S100A7: variants seen among roughly 807,000 people sequenced by gnomAD.
The protein encoded by S100A7 is protein S100-A7.
Under a neutral mutation model 3.8 loss-of-function variants are expected in S100A7, and 2 were observed. The ratio of observed to expected loss-of-function variants is 0.53; its 90% CI spans 0.22 to 1.67. The LOEUF is 1.67. Among genes scored for constraint, S100A7 ranks in the 40% most tolerant of loss-of-function variants. The probability of loss-of-function intolerance (pLI) is 0.20; values close to 1 mark genes in which losing one functional copy is unlikely to be tolerated. For synonymous variants in S100A7, 55 were observed against 45.9 expected (o/e 1.20, Z -0.80); for missense variants, 130 against 126.3 (o/e 1.03, Z -0.14).
intron 1 of S100A7, chr1:153,459,959 A>G (rs1270036318): frequency 6.6e-6 from 1 of 152,356 alleles, no homozygotes; most frequent in East Asian, 1.9e-4. Context: ...TGGGTGTCTG[A>G]CAATAAACCC....
chr1:153,459,050 T>G lies in S100A7; in HGVS notation c.-17-20A>C. On this transcript the variant is annotated intron_variant, in intron 1 of 2. Transcript: ENST00000368723. Reference sequence around the variant, plus strand: ...AAAAGCCTTCAGGAAATAAAGACAATCATTTTTTTCCCTTCATTTAAGTTA... The same window carrying G: ...AAAAGCCTTCAGGAAATAAAGACAAGCATTTTTTTCCCTTCATTTAAGTTA... The G allele has an allele frequency of 6.2e-7, 1 of 1,606,878 alleles. No homozygotes were observed.
intron 1 of S100A7, among the ~76,000 whole-genome samples, 173 bp from the exon 2 acceptor site, chr1:153,459,203 A>G (rs1292967664): frequency 6.6e-6 from 1 of 152,188 alleles, no homozygotes; most frequent in African/African-American, 2.4e-5. Context: ...AGAGGGTAGG[A>G]CCAAGTCTGA....
At chr1:153,460,338 G>T (rs1344044143) in intron 1 of S100A7, among the ~76,000 whole-genome samples, 4 of 152,234 alleles carry the variant, frequency 2.6e-5, no homozygotes, top group Non-Finnish European at 5.9e-5. Context: ...GACAGGGAGG[G>T]TCCTGTGCTC....
chr1:153,460,480 T>C (rs995177261), intron 1 of S100A7, 128 bp downstream of exon 1: 1 of 613,574 alleles, frequency 1.6e-6, no homozygotes, highest in African/African-American at 1.8e-5. Context: ...ACAGCCCAGC[T>C]AATGGCAGAG....
chr1:153,458,670 C>G (rs1433213064), intron 2 of S100A7, among the ~76,000 whole-genome samples: 2 of 152,126 alleles, frequency 1.3e-5, no homozygotes, highest in Non-Finnish European at 2.9e-5. Flanking sequence ...CTTTGCTGAC[C>G]ATCTAATAAC....
chr1:153,458,827 T>G (rs763974865), intron 2 of S100A7, 46 bp downstream of exon 2: 60 of 1,607,198 alleles, frequency 3.7e-5, no homozygotes, highest in East Asian at 2.2e-5. Flanking sequence ...CAAGGCCACA[T>G]AGCAAAATGT....
At position 153,457,899 on chromosome 1, in the gene S100A7, A is replaced by G. The variant is rs1663727013; in HGVS notation, c.213T>C (p.Asp71=). ...CCAGCAAGGACAGAAACTCAGAAAA[A>G]TCAATCTTCTTATCCTCATTCTTGT... is the stretch of plus-strand genomic sequence containing the variant. The part of the protein sequence containing the change: ...KKDKNEDKKI[D]FSEFLSLLGD... The change falls in exon 3 of 3, where the codon GAT becomes GAC. Residue 71 remains aspartate, a synonymous_variant. Transcript: ENST00000368723. 6.2e-7 allele frequency: 1 copy of G among 1,614,042 alleles called. No individual in the cohort carries two copies.
rs199931531 is a variant in S100A7 at position 153,458,945 on chromosome 1, A to G, written c.69T>C (p.Arg23=). The G allele has an allele frequency of 1.9e-6, 3 of 1,613,960 alleles. No individual in the cohort carries two copies. Among genetic ancestry groups the G allele is most frequent in the East Asian group, 2.2e-5 (1 of 44,876 alleles). ...GGCTTGGCTTCTCAATCTTGTCATC[A>G]CGTCTGGTGTATTTGTGAAACATGT... ...MIDMFHKYTR[R]DDKIEKPSLL... is the part of the protein sequence containing the mutation. The change falls in exon 2 of 3, where the codon CGT becomes CGC. Residue 23 remains arginine, a synonymous_variant. Coordinates refer to ENST00000368723, the MANE Select transcript of S100A7 (RefSeq NM_002963.4).
At chr1:153,458,007 A>G in intron 2 of S100A7, 37 bp from the exon 3 acceptor site, 2 of 1,607,266 alleles carry the variant, frequency 1.2e-6, no homozygotes, top group Non-Finnish European at 1.7e-6. Context: ...GAAAAATTCA[A>G]TCACAAACAA....
In S100A7 at chr1:153,457,861, G is replaced by GTGGCTATGT. The variant is rs1557868934; in HGVS notation, c.242_250dup (p.Ala83_Thr84insAsnIleAla). On this transcript the variant is annotated inframe_insertion, in exon 3 of 3. Transcript: ENST00000368723. ...TCCATGGCTCTGCTTGTGGTAGTCT[G>GTGGCTATGT]TGGCTATGTCTCCCAGCAAGGACAG... 1 of 1,614,186 alleles carries GTGGCTATGT rather than the reference G, an allele frequency of 6.2e-7. No homozygotes were observed. The highest frequency in any genetic ancestry group is 1.7e-5 in the Admixed American group (1 of 60,028).
chr1:153,458,803 G>C lies in S100A7; in HGVS notation c.141+70C>G. The C allele has an allele frequency of 1.9e-6, 3 of 1,549,022 alleles. No individual in the cohort carries two copies. In the South Asian group the frequency reaches 3.7e-5, roughly 19 times the overall value. ...ATGGGAAATTTTTTAATCAGAGGGT[G>C]AGGGTGATCTGTCCAAGGCCACATA... On this transcript the variant is annotated intron_variant, in intron 2 of 2. Transcript: ENST00000368723.
chr1:153,460,585 G>T, intron 1 of S100A7, 23 bp downstream of exon 1: 1 of 906,958 alleles, frequency 1.1e-6, no homozygotes, highest in Non-Finnish European at 1.8e-6. Context: ...TCTAGAAAAC[G>T]CAAAGAGGCA....
chr1:153,460,571 C>T, intron 1 of S100A7, 37 bp downstream of exon 1: 1 of 790,884 alleles, frequency 1.3e-6, no homozygotes, highest in Non-Finnish European at 2.2e-6. Context: ...AGGCACTGGG[C>T]ACTTCTAGAA....
Position 153,460,605 on chromosome 1 carries a change from T to A in S100A7, c.-18+3A>T. The A allele has an allele frequency of 8.8e-7, 1 of 1,142,262 alleles. No individual in the cohort carries two copies. Among genetic ancestry groups the A allele is most frequent in the South Asian group, 1.3e-5 (1 of 75,800 alleles). 70.8% of individuals were successfully genotyped at this position (1,142,262 alleles called of 1,614,324 possible). A position where few individuals can be genotyped will look rare whatever the true frequency, so the allele number is the denominator to read the frequency against. On this transcript the variant is annotated splice_donor_region_variant and intron_variant, in intron 1 of 2. Coordinates refer to ENST00000368723, the MANE Select transcript of S100A7 (RefSeq NM_002963.4). ...AAAACGCAAAGAGGCAGGTGAGACTTACCAGAGCTGGGAAGCGTCACGAGT... is the reference window on the plus strand; with the variant it reads ...AAAACGCAAAGAGGCAGGTGAGACTAACCAGAGCTGGGAAGCGTCACGAGT...
chr1:153,457,810 T>C lies in S100A7; in HGVS notation c.302A>G (p.Gln101Arg). 1.2e-6 allele frequency: 2 copies of C among 1,614,048 alleles called. No homozygotes were observed. Among genetic ancestry groups the C allele is most frequent in the Non-Finnish European group, 1.7e-6 (2 of 1,179,942 alleles). ...AGGCCCATTGGTGGGGCTGGGTCACTGGCTGCCCCCGGAACAGGGCGCTGC... is the reference window on the plus strand; with the variant it reads ...AGGCCCATTGGTGGGGCTGGGTCACCGGCTGCCCCCGGAACAGGGCGCTGC... The part of the protein sequence containing the change: ...HGAAPCSGGS[Q>R] The change falls in exon 3 of 3, where the codon CAG (glutamine) becomes CGG (arginine). Residue 101 changes from glutamine (Q) to arginine (R), a missense_variant. By Grantham distance (43) the Gln-to-Arg change is conservative (BLOSUM62 1). Coordinates refer to ENST00000368723, the MANE Select transcript of S100A7 (RefSeq NM_002963.4).
At chr1:153,459,538 G>A (rs1177437105) in intron 1 of S100A7, among the ~76,000 whole-genome samples, 1 of 152,200 alleles carries the variant, frequency 6.6e-6, no homozygotes, top group African/African-American at 2.4e-5. Flanking sequence ...TGCAAGCCCT[G>A]CATGACACGG....
At chr1:153,458,009 CACAA>C (rs1214083489) in intron 2 of S100A7, 39 bp from the exon 3 acceptor site, 2 of 1,606,612 alleles carry the variant, frequency 1.2e-6, no homozygotes, top group Non-Finnish European at 8.5e-7. Flanking sequence ...AAAATTCAAT[CACAA>C]ACAAGTTTTG....
At chr1:153,458,015 C>A in intron 2 of S100A7, 45 bp from the exon 3 acceptor site, 1 of 1,603,070 alleles carries the variant, frequency 6.2e-7, no homozygotes, top group Non-Finnish European at 8.5e-7. Flanking sequence ...CAATCACAAA[C>A]AAGTTTTGGG....
chr1:153,460,101 G>T (rs1663791513), intron 1 of S100A7, among the ~76,000 whole-genome samples: 1 of 152,244 alleles, frequency 6.6e-6, no homozygotes, highest in Admixed American at 6.5e-5. Flanking sequence ...ACAATTTGCA[G>T]GTTGTGGTAG....
Sources: allele counts gnomAD v4.1 joint callset (sites outside exome capture counted in the v4.1 genomes callset), GRCh38; gene constraint gnomAD v4.1.1; transcripts MANE v1.5; gene names NCBI Gene and HGNC (gene_info 2026-07-23, HGNC 2026-07-21).